Variants in RASSF2 observed in about 807,000 individuals in gnomAD.
The protein encoded by RASSF2 is ras association domain-containing protein 2.
RASSF2 carries 34 observed loss-of-function variants against 46.3 expected under a neutral mutation model. That is an observed-to-expected ratio of 0.73 (90% CI 0.56 to 0.98). The LOEUF is 0.98. Ranked by LOEUF, RASSF2 falls within the 50% of genes least tolerant of loss-of-function variation. RASSF2 has a pLI of 0.00. For synonymous variants in RASSF2, 158 were observed against 162.5 expected, an observed-to-expected ratio of 0.97 and a Z score of 0.21; for missense variants, 364 against 431.2, an observed-to-expected ratio of 0.84 and a Z score of 1.38.
chr20:4,787,531 A>G, intron 10 of RASSF2, 102 bp downstream of exon 10: 1 of 1,445,306 alleles, frequency 6.9e-7, no homozygotes, highest in Non-Finnish European at 9.6e-7. Flanking sequence ...AAAAGGGGGC[A>G]TGGTCGTTGG....
intron 11 of RASSF2, among the ~76,000 whole-genome samples, chr20:4,785,859 C>T (rs558024511): frequency 6.6e-6 from 1 of 152,350 alleles, no homozygotes; most frequent in East Asian, 1.9e-4. Flanking sequence ...TCGGAGTGAG[C>T]ATCTGTCTCC....
intron 2 of RASSF2, among the ~76,000 whole-genome samples, chr20:4,814,599 T>C (rs1017202302): frequency 6.6e-6 from 1 of 151,896 alleles, no homozygotes; most frequent in Non-Finnish European, 1.5e-5. Flanking sequence ...TGAAAAGCAG[T>C]GAGTGGGAAG....
At chr20:4,787,540 G>T in intron 10 of RASSF2, 93 bp downstream of exon 10, 2 of 1,519,676 alleles carry the variant, frequency 1.3e-6, no homozygotes, top group South Asian at 1.1e-5. Context: ...CATGGTCGTT[G>T]GTCAAAAAAG....
chr20:4,788,316 C>A, intron 8 of RASSF2, 48 bp from the exon 9 acceptor site: 1 of 1,530,400 alleles, frequency 6.5e-7, no homozygotes, highest in Non-Finnish European at 9.1e-7. Flanking sequence ...ATTTAAACAT[C>A]CCAACTTCGA....
At chr20:4,809,543 C>T (rs1927602797) in intron 2 of RASSF2, among the ~76,000 whole-genome samples, 1 of 152,178 alleles carries the variant, frequency 6.6e-6, no homozygotes, top group South Asian at 2.1e-4. Flanking sequence ...CTGGAGCTTC[C>T]TCTCTGGCCC....
chr20:4,794,482 G>A (rs1435815476), intron 5 of RASSF2, among the ~76,000 whole-genome samples: 3 of 151,906 alleles, frequency 2.0e-5, no homozygotes, highest in Admixed American at 6.6e-5. Context: ...GGCACGAATC[G>A]CTTGAACCCG....
At chr20:4,808,692 C>T (rs974671310) in intron 2 of RASSF2, among the ~76,000 whole-genome samples, 1 of 152,002 alleles carries the variant, frequency 6.6e-6, no homozygotes, top group African/African-American at 2.4e-5. Context: ...CACTATGTTG[C>T]CCAGGCTGGT....
chr20:4,800,522 A>T (rs544971627), intron 3 of RASSF2, among the ~76,000 whole-genome samples: 1 of 152,192 alleles, frequency 6.6e-6, no homozygotes, highest in Non-Finnish European at 1.5e-5. Flanking sequence ...CCGCGGAGGA[A>T]AAACAATCTC....
chr20:4,806,732 A>G lies in RASSF2; in HGVS notation c.-32-5670T>C, dbSNP rs892005134. Among the ~76,000 whole-genome samples, 7 of 152,276 alleles carry G rather than the reference A, an allele frequency of 4.6e-5. No individual in the cohort carries two copies. The East Asian group carries it at 1.3e-3, about 29-fold the overall frequency. On this transcript the variant is annotated intron_variant, in intron 2 of 11. Transcript: ENST00000379400. ...CAAAGTGCTGGGATTACAGTGAGCC[A>G]CTGCAGCCGGTCCATTCTTGGTTCT...
chr20:4,797,302 A>C (rs1289475834), intron 4 of RASSF2, among the ~76,000 whole-genome samples: 1 of 152,186 alleles, frequency 6.6e-6, no homozygotes, highest in East Asian at 1.9e-4. Flanking sequence ...CTGAAATTCC[A>C]CCATCTGTTA....
rs573082034 is a variant in RASSF2 at position 4,823,160 on chromosome 20, G to A, written c.-108+397C>T. Among the ~76,000 whole-genome samples the A allele has an allele frequency of 3.9e-4, 59 of 152,186 alleles. No individual in the cohort carries two copies. The East Asian group carries it at 0.011, about 29-fold the overall frequency. ...GAGACAAGAGACAGGCGAGGATTAC[G>A]GGGCTGACCCAGCCGGGGTAGGGAC... On this transcript the variant is annotated intron_variant, in intron 1 of 11. Transcript: ENST00000379400.
At chr20:4,816,292 T>C (rs558123968) in intron 2 of RASSF2, among the ~76,000 whole-genome samples, 2 of 152,106 alleles carry the variant, frequency 1.3e-5, no homozygotes, top group Non-Finnish European at 2.9e-5. Context: ...GGCAACAGAG[T>C]GAGACCCTGT....
Position 4,781,010 on chromosome 20 carries a change from T to A in RASSF2, c.*3263A>T, listed in dbSNP as rs1220098657. On this transcript the variant is annotated 3_prime_UTR_variant, in exon 12 of 12. Transcript: ENST00000379400. Reference sequence around the variant, plus strand: ...AAGAAAGAAACCTCTCTCGGCGATGTATCTGTGACACCACATTCTCTGTGC... The same window carrying A: ...AAGAAAGAAACCTCTCTCGGCGATGAATCTGTGACACCACATTCTCTGTGC... 6.6e-6 allele frequency: 1 copy of A among 151,976 alleles called. No homozygotes were observed. Among genetic ancestry groups the A allele is most frequent in the African/African-American group, 2.4e-5 (1 of 41,368 alleles). 9.4% of individuals were successfully genotyped at this position (151,976 alleles called of 1,614,324 possible). A position where few individuals can be genotyped will look rare whatever the true frequency, so the allele number is the denominator to read the frequency against.
rs750853077 is a variant in RASSF2, at chr20:4,780,980, AAAG to A, written c.*3290_*3292del. 13 of 139,522 alleles carry A rather than the reference AAAG, an allele frequency of 9.3e-5. No homozygotes were observed. Among genetic ancestry groups the A allele is most frequent in the Admixed American group, 2.1e-4 (3 of 14,422 alleles). 8.6% of individuals were successfully genotyped at this position (139,522 alleles called of 1,614,324 possible). On this transcript the variant is annotated 3_prime_UTR_variant, in exon 12 of 12. Transcript: ENST00000379400. ...CCAGACTCTGTCTCAAAAAAAAAAA[AAAG>A]AAAGAAAGAAACCTCTCTCGGCGAT...
chr20:4,797,653 C>A (rs1926461524), intron 4 of RASSF2, among the ~76,000 whole-genome samples: 1 of 152,140 alleles, frequency 6.6e-6, no homozygotes. Flanking sequence ...AATGTTTAAA[C>A]ACAGAGGACT....
intron 2 of RASSF2, among the ~76,000 whole-genome samples, chr20:4,811,669 C>T (rs564896940): frequency 6.6e-6 from 1 of 152,256 alleles, no homozygotes; most frequent in East Asian, 1.9e-4. Context: ...GTAGAGTGTC[C>T]CGCAGGGTCT....
chr20:4,811,864 A>C (rs1927849553), intron 2 of RASSF2, among the ~76,000 whole-genome samples: 2 of 152,150 alleles, frequency 1.3e-5, no homozygotes, highest in South Asian at 2.1e-4. Context: ...CCTCCCTCTG[A>C]GGACAACCTG....
At chr20:4,784,390 C>G in intron 11 of RASSF2, 48 bp from the exon 12 acceptor site, 1 of 1,574,852 alleles carries the variant, frequency 6.3e-7, no homozygotes, top group Non-Finnish European at 8.7e-7. Context: ...GCAACACACC[C>G]CTGCCCAGGA....
At chr20:4,806,709 A>ATG (rs1927364831) in intron 2 of RASSF2, among the ~76,000 whole-genome samples, 1 of 152,036 alleles carries the variant, frequency 6.6e-6, no homozygotes, top group African/African-American at 2.4e-5. Flanking sequence ...CAGCCTCCCA[A>ATG]AGTGCTGGGA....
Sources: allele counts gnomAD v4.1 joint callset (sites outside exome capture counted in the v4.1 genomes callset), GRCh38; gene constraint gnomAD v4.1.1; transcripts MANE v1.5; gene names NCBI Gene and HGNC (gene_info 2026-07-23, HGNC 2026-07-21).